The following UNC13C variants were observed in gnomAD, a reference collection of about 807,000 sequenced individuals.
UNC13C encodes protein unc-13 homolog C.
A neutral mutation model predicts 245.4 loss-of-function variants in UNC13C; 174 were observed. The ratio of observed to expected loss-of-function variants is 0.71; its 90% confidence interval spans 0.63 to 0.80. The LOEUF (loss-of-function observed/expected upper bound fraction) is 0.80, where lower values mean the gene tolerates loss of function less well. UNC13C is among the 30% of genes least tolerant of loss of function. UNC13C has a pLI of 0.00. For synonymous variants in UNC13C, 992 were observed against 895.1 expected, an observed-to-expected ratio of 1.11 and a Z score of -1.93; for missense variants, 2,829 against 2,602.9, an observed-to-expected ratio of 1.09 and a Z score of -1.89.
chr15:54,588,738 T>G (rs1392001852), intron 30 of UNC13C, among the ~76,000 whole-genome samples: 1 of 152,222 alleles, frequency 6.6e-6, no homozygotes, highest in East Asian at 1.9e-4. Context: ...CATGCAATGT[T>G]TGATTTTCCA....
intron 2 of UNC13C, among the ~76,000 whole-genome samples, chr15:54,112,677 T>G (rs1365591787): frequency 6.6e-6 from 1 of 152,240 alleles, no homozygotes; most frequent in East Asian, 1.9e-4. Context: ...CAGGCTGCTT[T>G]TTGTTAGAAA....
chr15:54,444,886 T>C (rs1436293660), intron 19 of UNC13C, among the ~76,000 whole-genome samples: 1 of 152,010 alleles, frequency 6.6e-6, no homozygotes, highest in Non-Finnish European at 1.5e-5. Flanking sequence ...TACATATGTA[T>C]ACATGTGCCG....
At chr15:54,141,291 G>T (rs2141233565) in intron 2 of UNC13C, among the ~76,000 whole-genome samples, 1 of 151,982 alleles carries the variant, frequency 6.6e-6, no homozygotes, top group East Asian at 1.9e-4. Context: ...TATAATTCTT[G>T]TAAAAATAAC....
chr15:54,323,758 G>T (rs2038226836), intron 14 of UNC13C, among the ~76,000 whole-genome samples: 1 of 152,042 alleles, frequency 6.6e-6, no homozygotes, highest in South Asian at 2.1e-4. Flanking sequence ...CTTAGTAACA[G>T]CACTTGCTGT....
chr15:54,228,201 C>T (rs894874972), intron 4 of UNC13C, among the ~76,000 whole-genome samples: 13 of 152,052 alleles, frequency 8.5e-5, no homozygotes, highest in South Asian at 4.1e-4. Context: ...AGACCTCTTT[C>T]GTCAGCTTGT....
At chr15:54,350,479 A>G (rs1360654560) in intron 17 of UNC13C, among the ~76,000 whole-genome samples, 1 of 152,200 alleles carries the variant, frequency 6.6e-6, no homozygotes, top group Non-Finnish European at 1.5e-5. Context: ...GGCAGACAGG[A>G]AACTTGCATG....
intron 2 of UNC13C, among the ~76,000 whole-genome samples, chr15:54,116,256 G>C (rs2030236687): frequency 6.6e-6 from 1 of 151,860 alleles, no homozygotes; most frequent in African/African-American, 2.4e-5. Context: ...TTAATTATTT[G>C]TCTTTTCTTT....
chr15:54,094,883 A>G (rs1354140091), intron 2 of UNC13C, among the ~76,000 whole-genome samples: 1 of 152,112 alleles, frequency 6.6e-6, no homozygotes, highest in African/African-American at 2.4e-5. Flanking sequence ...TTCCACTGAT[A>G]TGGCCAAGTA....
chr15:54,296,503 C>G lies in UNC13C; in HGVS notation c.3989-1308C>G, dbSNP rs2037439726. Among the ~76,000 whole-genome samples the G allele has an allele frequency of 1.3e-5, 2 of 151,958 alleles. 1 individual carries two copies. The highest frequency in any genetic ancestry group is 1.3e-4 in the Admixed American group (2 of 15,254). On this transcript the variant is annotated intron_variant, in intron 11 of 32. Transcript: ENST00000260323. ...AAAATGCTGGGATTACAGGCGTGAG[C>G]CATCGCGCCGGGCCCAGCAGAGAAT...
intron 17 of UNC13C, among the ~76,000 whole-genome samples, chr15:54,386,731 G>GT (rs1445297128): frequency 6.6e-6 from 1 of 152,128 alleles, no homozygotes; most frequent in African/African-American, 2.4e-5. Flanking sequence ...ATGGCTAACA[G>GT]TTTTTTAAAT....
chr15:54,261,919 T>A (rs542730065), intron 8 of UNC13C, among the ~76,000 whole-genome samples: 24 of 152,332 alleles, frequency 1.6e-4, no homozygotes, highest in Non-Finnish European at 2.5e-4. Context: ...ATGTCTCTAT[T>A]AACCTGCTGT....
intron 19 of UNC13C, among the ~76,000 whole-genome samples, chr15:54,450,841 A>T (rs996536989): frequency 6.6e-6 from 1 of 152,096 alleles, no homozygotes; most frequent in Non-Finnish European, 1.5e-5. Context: ...AAATGCAGAA[A>T]TCACCCATCT....
At chr15:54,351,009 A>T (rs542803134) in intron 17 of UNC13C, among the ~76,000 whole-genome samples, 49 of 152,210 alleles carry the variant, frequency 3.2e-4, no homozygotes, top group African/African-American at 1.1e-3. Context: ...TCACATTGTG[A>T]CTTTGTATAA....
intron 2 of UNC13C, among the ~76,000 whole-genome samples, chr15:54,124,205 A>C (rs1207568556): frequency 6.6e-6 from 1 of 152,174 alleles, no homozygotes. Context: ...CGCTAGGATA[A>C]ATGCCTAAAT....
Position 54,040,694 on chromosome 15 carries a change from C to G in UNC13C, c.2983+24808C>G, listed in dbSNP as rs77156585. Among the ~76,000 whole-genome samples, 362 of 152,232 alleles carry G rather than the reference C, an allele frequency of 2.4e-3. 3 individuals carry two copies. Among genetic ancestry groups the G allele is most frequent in the African/African-American group, 8.3e-3 (346 of 41,550 alleles). On this transcript the variant is annotated intron_variant, in intron 2 of 32. Coordinates refer to ENST00000260323, the MANE Select transcript of UNC13C (RefSeq NM_001080534.3). ...TCTTTGGCCTGAAAATAAAGGCCTG[C>G]TGGAAGTGAGTCACAGGTGTTTGCA... is the stretch of plus-strand genomic sequence containing the variant.
chr15:53,995,385 G>GA (rs1175957649), intron 1 of UNC13C, among the ~76,000 whole-genome samples: 1 of 151,900 alleles, frequency 6.6e-6, no homozygotes, highest in East Asian at 1.9e-4. Flanking sequence ...AAATCAATCA[G>GA]AAAAAAAGGC....
chr15:53,995,890 A>G (rs1303577872), intron 1 of UNC13C, among the ~76,000 whole-genome samples: 2 of 152,098 alleles, frequency 1.3e-5, no homozygotes, highest in Non-Finnish European at 2.9e-5. Context: ...GGAGAAGTAG[A>G]GAGAGAGAGG....
chr15:54,094,554 T>C (rs931798070), intron 2 of UNC13C, among the ~76,000 whole-genome samples: 1 of 152,138 alleles, frequency 6.6e-6, no homozygotes, highest in South Asian at 2.1e-4. Context: ...CAACTGTTTG[T>C]CTTCTACTGC....
chr15:54,352,323 A>ATAATTTATATATATAATTATAATTT (rs2039001555), intron 17 of UNC13C, among the ~76,000 whole-genome samples: 1 of 129,266 alleles, frequency 7.7e-6, no homozygotes, highest in East Asian at 2.3e-4. Flanking sequence ...ATTTTATATA[A>ATAATTTATATATATAATTATAATTT]ATATAATTAT....
Sources: allele counts gnomAD v4.1 joint callset (sites outside exome capture counted in the v4.1 genomes callset), GRCh38; gene constraint gnomAD v4.1.1; transcripts MANE v1.5; gene names NCBI Gene and HGNC (gene_info 2026-07-23, HGNC 2026-07-21).